Variants in LRRC34 observed in about 807,000 individuals in gnomAD.
LRRC34 encodes the protein leucine-rich repeat-containing protein 34.
Under a neutral mutation model 48.5 loss-of-function variants are expected in LRRC34, and 44 were observed. That is an observed-to-expected ratio of 0.91 (90% CI 0.71 to 1.17). LRRC34 has a LOEUF of 1.17. Among genes scored for constraint, LRRC34 ranks in the 50% most tolerant of loss-of-function variants. The pLI, the probability that LRRC34 is intolerant of heterozygous loss-of-function variation, is 0.00. For missense variants in LRRC34, 502 were observed against 563.0 expected (o/e 0.89, Z 1.10); for synonymous variants, 192 against 197.6 (o/e 0.97, Z 0.24).
intron 6 of LRRC34, among the ~76,000 whole-genome samples, chr3:169,803,400 A>G (rs1404879668): frequency 6.6e-6 from 1 of 152,166 alleles, no homozygotes; most frequent in African/African-American, 2.4e-5. Context: ...TTTTAGCATC[A>G]TCATTTTAAG....
rs548484776 is a variant in LRRC34 at position 169,807,804 on chromosome 3, C to T, written c.258-95G>A. 3.1e-6 allele frequency: 4 copies of T among 1,304,190 alleles called. No individual in the cohort carries two copies. In the South Asian group the frequency reaches 6.6e-5, roughly 21 times the overall value. 80.8% of individuals were successfully genotyped at this position (1,304,190 alleles called of 1,614,324 possible). Reference sequence around the variant, plus strand: ...TATGTTTCCTTCATGTATAAATAGTCATATCACAGATATCATTTACTGGAA... The same window carrying T: ...TATGTTTCCTTCATGTATAAATAGTTATATCACAGATATCATTTACTGGAA... On this transcript the variant is annotated intron_variant, in intron 2 of 10. Coordinates refer to ENST00000446859, the MANE Select transcript of LRRC34 (RefSeq NM_001172779.2).
chr3:169,799,648 C>T (rs9876206), intron 7 of LRRC34, among the ~76,000 whole-genome samples: 48,242 of 152,006 alleles, frequency 0.32, 8,321 homozygotes, highest in East Asian at 0.67. Flanking sequence ...CAGAGTGAGA[C>T]CTCATCTCAA....
At chr3:169,801,529 G>C (rs1779192819) in intron 6 of LRRC34, among the ~76,000 whole-genome samples, 1 of 152,050 alleles carries the variant, frequency 6.6e-6, no homozygotes, top group Non-Finnish European at 1.5e-5. Context: ...TTACCCCTCA[G>C]AGCTTTTCCA....
Position 169,804,065 on chromosome 3 carries a change from A to C in LRRC34, c.645T>G (p.Gly215=). 6.3e-7 allele frequency: 1 copy of C among 1,589,328 alleles called. No individual in the cohort carries two copies. The highest frequency in any genetic ancestry group is 1.3e-5 in the African/African-American group (1 of 74,082). Residue 215 remains glycine (G), a synonymous_variant, in exon 6 of 11, where the codon GGT becomes GGG. Coordinates refer to ENST00000446859, the MANE Select transcript of LRRC34 (RefSeq NM_001172779.2). Reference sequence around the variant, plus strand: ...CCAGTTTACTCACCAGATCACAGTCACCCAGATCTAATTTCTCTAATGATG... The same window carrying C: ...CCAGTTTACTCACCAGATCACAGTCCCCCAGATCTAATTTCTCTAATGATG... ...INSSLEKLDL[G]DCDLGMQSVI...
At chr3:169,799,752 G>A (rs1295042545) in intron 7 of LRRC34, among the ~76,000 whole-genome samples, 6 of 152,110 alleles carry the variant, frequency 3.9e-5, no homozygotes, top group African/African-American at 9.7e-5. Context: ...TCGCTCTGTC[G>A]CCCACGCTGG....
rs950137615 is a variant in LRRC34, at chr3:169,804,251, GAC to G, written c.529-72_529-71del. ...ATTCTATATATTACATGAATTAGGAGACTGTATTACTATTTGCAGACTCCAAT... is the reference window on the plus strand; with the variant it reads ...ATTCTATATATTACATGAATTAGGAGTGTATTACTATTTGCAGACTCCAAT... On this transcript the variant is annotated intron_variant, in intron 5 of 10. Coordinates refer to ENST00000446859, the MANE Select transcript of LRRC34 (RefSeq NM_001172779.2). 1.9e-5 allele frequency: 25 copies of G among 1,297,084 alleles called. No homozygotes were observed. The African/African-American group carries it at 3.5e-4, about 18-fold the overall frequency. 80.3% of individuals were successfully genotyped at this position (1,297,084 alleles called of 1,614,324 possible). A position where few individuals can be genotyped will look rare whatever the true frequency, so the allele number is the denominator to read the frequency against.
chr3:169,808,870 G>A (rs1779471593), intron 1 of LRRC34, 125 bp from the exon 2 acceptor site: 1 of 586,606 alleles, frequency 1.7e-6, no homozygotes, highest in South Asian at 2.0e-5. Flanking sequence ...GGAAGAAAAG[G>A]AAACAGAATT....
At chr3:169,805,603 G>A (rs140446254) in intron 5 of LRRC34, among the ~76,000 whole-genome samples, 1 of 152,066 alleles carries the variant, frequency 6.6e-6, no homozygotes, top group African/African-American at 2.4e-5. Context: ...CCCAGCTGCT[G>A]GCCGGGTGAA....
At chr3:169,796,406 AAT>A (rs1778991165) in intron 8 of LRRC34, 37 bp from the exon 9 acceptor site, 2 of 1,579,304 alleles carry the variant, frequency 1.3e-6, no homozygotes. Flanking sequence ...GAAAATATGA[AAT>A]AGTGTTTTTA....
In LRRC34 at chr3:169,801,659, A is replaced by G. The variant is rs115142723; in HGVS notation, c.658-905T>C. Among the ~76,000 whole-genome samples the G allele has an allele frequency of 7.5e-3, 1,149 of 152,190 alleles. 15 individuals carry two copies. The highest frequency in any genetic ancestry group is 0.026 in the African/African-American group (1,087 of 41,516). The stretch of plus-strand genomic sequence containing the variant: ...ATATCTGGCCTCCATAAGCTTCTCT[A>G]CTTTTACTTCAAGGCACTCTTAACT... On this transcript the variant is annotated intron_variant, in intron 6 of 10. Transcript: ENST00000446859.
At position 169,797,021 on chromosome 3, in the gene LRRC34, C is replaced by A. The variant is rs147979654; in HGVS notation, c.754-122G>T. The A allele has an allele frequency of 3.3e-4, 223 of 685,240 alleles. 2 individuals carry two copies. In the African/African-American group the frequency reaches 4.0e-3, roughly 12 times the overall value. 42.4% of individuals were successfully genotyped at this position (685,240 alleles called of 1,614,324 possible). ...GATTATATTGGTTAAAACTGTTAGT[C>A]CACAATTTGCATTTGTTTGGTCTAT... On this transcript the variant is annotated intron_variant, in intron 7 of 10. Coordinates refer to ENST00000446859, the MANE Select transcript of LRRC34 (RefSeq NM_001172779.2).
chr3:169,800,277 G>T (rs867854895), intron 7 of LRRC34, among the ~76,000 whole-genome samples: 1 of 152,110 alleles, frequency 6.6e-6, no homozygotes, highest in South Asian at 2.1e-4. Flanking sequence ...GATTTCAAAG[G>T]TGTAATGGTT....
Position 169,806,884 on chromosome 3 carries a change from C to T in LRRC34, c.492G>A (p.Gly164=), listed in dbSNP as rs78900160. Residue 164 remains glycine, a synonymous_variant, in exon 5 of 11, where the codon GGG becomes GGA. Coordinates refer to ENST00000446859, the MANE Select transcript of LRRC34 (RefSeq NM_001172779.2). The stretch of plus-strand genomic sequence containing the variant: ...TAGCAATCAATTCTCCACCTTCGGG[C>T]CCAATATCATTAAACATGAGGTTTA... The part of the protein sequence containing the change: ...IYLNLMFNDI[G]PEGGELIAKV... The T allele has an allele frequency of 8.4e-4, 1,357 of 1,607,344 alleles. 10 individuals are homozygous for T. In the African/African-American group the frequency reaches 0.014, roughly 17 times the overall value.
In LRRC34 at chr3:169,796,265, C is replaced by T. The variant is rs911784486; in HGVS notation, c.1013G>A (p.Gly338Asp). 22 of 1,612,436 alleles carry T rather than the reference C, an allele frequency of 1.4e-5. No individual in the cohort carries two copies. The highest frequency in any genetic ancestry group is 2.7e-5 in the African/African-American group (2 of 74,878). The change falls in exon 9 of 11, where the codon GGC (glycine) becomes GAC (aspartate). Residue 338 changes from glycine to aspartate, a missense_variant. Transcript: ENST00000446859. ...DLSFNRIENA[G>D]ANYLSETLTS... ...AAGAGTTTCACTGAGATAGTTTGCG[C>T]CTGCATTTTCTATTCTGTTAAAGGA...
At chr3:169,807,067 C>T in intron 4 of LRRC34, 136 bp from the exon 5 acceptor site, 1 of 508,186 alleles carries the variant, frequency 2.0e-6, no homozygotes, top group Non-Finnish European at 3.4e-6. Flanking sequence ...TCTTTATAAC[C>T]AAGAAAAACT....
chr3:169,808,612 T>G lies in LRRC34; in HGVS notation c.257+16A>C. On this transcript the variant is annotated intron_variant, in intron 2 of 10. Coordinates refer to ENST00000446859, the MANE Select transcript of LRRC34 (RefSeq NM_001172779.2). ...AGCAAACACTATTAATGTAATCAAG[T>G]ATTTGTCTTTCTTACCCCTTTTTAA... is the stretch of plus-strand genomic sequence containing the variant. The G allele has an allele frequency of 8.2e-7, 1 of 1,226,650 alleles. No homozygotes were observed. The highest frequency in any genetic ancestry group is 1.2e-6 in the Non-Finnish European group (1 of 845,392). 76.0% of individuals were successfully genotyped at this position (1,226,650 alleles called of 1,614,324 possible).
rs77613901 is a variant in LRRC34, at chr3:169,803,293, T to C, written c.657+760A>G. On this transcript the variant is annotated intron_variant, in intron 6 of 10. Transcript: ENST00000446859. The stretch of plus-strand genomic sequence containing the variant: ...TCACAGGCACGGTTGTAGTGAACTG[T>C]AACCTCAAACTCCTGGGCTCAAGAG... Among the ~76,000 whole-genome samples, 1,274 of 152,300 alleles carry C rather than the reference T, an allele frequency of 8.4e-3. 42 individuals carry two copies. In the East Asian group the frequency reaches 0.11, roughly 13 times the overall value.
chr3:169,810,211 G>T (rs1313083987), intron 1 of LRRC34, among the ~76,000 whole-genome samples: 3 of 151,718 alleles, frequency 2.0e-5, no homozygotes, highest in Non-Finnish European at 4.4e-5. Flanking sequence ...AAAGTGCTGG[G>T]ATTACAGGTG....
intron 5 of LRRC34, among the ~76,000 whole-genome samples, chr3:169,804,462 A>G (rs1195405510): frequency 6.6e-6 from 1 of 151,884 alleles, no homozygotes; most frequent in African/African-American, 2.4e-5. Context: ...CGCCTGGCTA[A>G]TTTTTTTCTG....
Sources: allele counts gnomAD v4.1 joint callset (sites outside exome capture counted in the v4.1 genomes callset), GRCh38; gene constraint gnomAD v4.1.1; transcripts MANE v1.5; gene names NCBI Gene and HGNC (gene_info 2026-07-23, HGNC 2026-07-21).